ACIN1: variants seen among roughly 807,000 people sequenced by gnomAD.
ACIN1 encodes the protein apoptotic chromatin condensation inducer 1, also known as apoptotic chromatin condensation inducer in the nucleus.
ACIN1 carries 16 observed loss-of-function variants against 146.6 expected under a neutral mutation model. The ratio of observed to expected loss-of-function variants is 0.11; its 90% CI spans 0.07 to 0.17. The LOEUF (loss-of-function observed/expected upper bound fraction) is 0.17. Among genes scored for constraint, ACIN1 ranks in the 10% least tolerant of loss-of-function variants. ACIN1 has a pLI of 1.00. For missense variants in ACIN1, 1,357 were observed against 1,609.3 expected, an observed-to-expected ratio of 0.84 and a Z score of 2.68; for synonymous variants, 569 against 582.7, an observed-to-expected ratio of 0.98 and a Z score of 0.34.
At chr14:23,064,590 G>T in intron 10 of ACIN1, 102 bp from the exon 11 acceptor site, 1 of 1,477,408 alleles carries the variant, frequency 6.8e-7, no homozygotes, top group Non-Finnish European at 9.1e-7. Context: ...TTTGGTAAAA[G>T]GTTAACTTAA....
intron 4 of ACIN1, among the ~76,000 whole-genome samples, chr14:23,082,096 T>A (rs2047957863): frequency 6.6e-6 from 1 of 152,206 alleles, no homozygotes; most frequent in Non-Finnish European, 1.5e-5. Context: ...TATAAATAAC[T>A]CAAATAAATG....
Position 23,059,154 on chromosome 14 carries a change from G to A in ACIN1, c.3846C>T (p.Arg1282=), listed in dbSNP as rs748711526. Residue 1282 remains arginine, a synonymous_variant, in exon 19 of 19, where the codon CGC becomes CGT. Coordinates refer to ENST00000605057, the MANE Select transcript of ACIN1 (RefSeq NM_001386863.1). ...AGCTCTAGTGTTTTCCCAGCTAGCG[G>A]CGCCCACCCCGGTCCCGCACAGGTG... ...RSTPVRDRGG[R]R The A allele has an allele frequency of 1.2e-6, 2 of 1,613,186 alleles. No homozygotes were observed. Among genetic ancestry groups the A allele is most frequent in the Non-Finnish European group, 8.5e-7 (1 of 1,179,454 alleles).
chr14:23,069,169 G>A, intron 9 of ACIN1: 2 of 1,066,976 alleles, frequency 1.9e-6, no homozygotes. Context: ...TGGGAAGACA[G>A]CAGGAAAAGC....
At position 23,079,574 on chromosome 14, in the gene ACIN1, A is replaced by T. The variant is rs78164858; in HGVS notation, c.1761T>A (p.Ser587=). The change falls in exon 6 of 19, where the codon TCT becomes TCA. Residue 587 remains serine (S), a synonymous_variant. Transcript: ENST00000605057. ...TTCTGCTGTTGCTTGATGCTGAACG[A>T]GAACGTGAACGTGACCTTGATCTGG... ...SESRSRSRSR[S]RSASSNSRKS... The T allele has an allele frequency of 1.0e-4, 163 of 1,555,878 alleles. No individual in the cohort carries two copies. Among genetic ancestry groups the T allele is most frequent in the East Asian group, 1.6e-4 (7 of 44,818 alleles).
intron 4 of ACIN1, among the ~76,000 whole-genome samples, chr14:23,089,065 C>T (rs1454343779): frequency 6.6e-6 from 1 of 152,128 alleles, no homozygotes; most frequent in African/African-American, 2.4e-5. Flanking sequence ...TTTTGAGACA[C>T]AGTCTCGCTC....
chr14:23,063,185 A>G, intron 13 of ACIN1, 111 bp from the exon 14 acceptor site: 1 of 1,275,360 alleles, frequency 7.8e-7, no homozygotes, highest in Non-Finnish European at 1.1e-6. Context: ...GCCACTCCTT[A>G]ATCTAAACGT....
chr14:23,091,607 C>T (rs1223710543), intron 2 of ACIN1, among the ~76,000 whole-genome samples: 3 of 149,568 alleles, frequency 2.0e-5, no homozygotes, highest in Non-Finnish European at 4.4e-5. Context: ...AAAGATCAAC[C>T]GTTACCTATC....
rs2047906773 is a variant in ACIN1, at chr14:23,080,203, C to T, written c.1132G>A (p.Glu378Lys). ...GGGCCTTCCATGGGCTCTATTTCTT[C>T]TTCGCTATGGAGCTGTGGATGAGGT... ...PPPHPQLHSE[E>K]EIEPMEGPAP... Residue 378 changes from glutamate to lysine, a missense_variant, in exon 6 of 19, where the codon GAA (glutamate) becomes AAA (lysine). Physicochemically the swap from Glu to Lys is moderately conservative, Grantham distance 56. Transcript: ENST00000605057. 1.2e-6 allele frequency: 2 copies of T among 1,614,044 alleles called. No individual in the cohort carries two copies. The highest frequency in any genetic ancestry group is 1.6e-4 in the Middle Eastern group (1 of 6,084).
Position 23,078,828 on chromosome 14 carries a change from G to A in ACIN1, c.1999C>T (p.Pro667Ser). ...AEKHVTQRLQ[P>S]ERGSPKKCEA... The stretch of plus-strand genomic sequence containing the variant: ...GGGTCACAATAGCCTACCCGCTCAG[G>A]CTGTAACCTCTGGGTCACATGCTTT... Residue 667 changes from proline (P) to serine (S), a missense_variant, in exon 7 of 19, where the codon CCT (proline) becomes TCT (serine). Transcript: ENST00000605057. 6.2e-7 allele frequency: 1 copy of A among 1,612,438 alleles called. No individual in the cohort carries two copies. Among genetic ancestry groups the A allele is most frequent in the Non-Finnish European group, 8.5e-7 (1 of 1,179,944 alleles).
At chr14:23,086,302 G>A (rs2048089300) in intron 4 of ACIN1, among the ~76,000 whole-genome samples, 1 of 152,212 alleles carries the variant, frequency 6.6e-6, no homozygotes, top group South Asian at 2.1e-4. Flanking sequence ...CTTTGTTAAA[G>A]AATCAATATT....
intron 16 of ACIN1, among the ~76,000 whole-genome samples, 186 bp from the exon 17 acceptor site, chr14:23,061,808 C>T (rs1298794288): frequency 1.3e-5 from 2 of 151,882 alleles, no homozygotes; most frequent in African/African-American, 4.8e-5. Context: ...CCCGTCTCTA[C>T]TGAAAATACA....
intron 7 of ACIN1, 25 bp from the exon 8 acceptor site, chr14:23,078,291 C>T: frequency 6.9e-6 from 11 of 1,603,032 alleles, no homozygotes; most frequent in Non-Finnish European, 9.4e-6. Flanking sequence ...CAAAAACGAA[C>T]AGAGCAAAAC....
At position 23,068,659 on chromosome 14, in the gene ACIN1, C is replaced by T. The variant is rs2047531598; in HGVS notation, c.2265+817G>A. On this transcript the variant is annotated intron_variant, in intron 9 of 18. Transcript: ENST00000605057. This position sits in a 1 kb window ranked among gnomAD's most constrained non-coding sequence, Gnocchi z 4.3. ...GGGTTATATTTTACGGGCGGATTAC[C>T]GTACATGAGGTACTTGGACAAAGTT... 7.1e-6 allele frequency: 7 copies of T among 985,824 alleles called. No homozygotes were observed. Among genetic ancestry groups the T allele is most frequent in the South Asian group, 9.4e-5 (2 of 21,286 alleles). 61.1% of individuals were successfully genotyped at this position (985,824 alleles called of 1,614,324 possible). A position where few individuals can be genotyped will look rare whatever the true frequency, so the allele number is the denominator to read the frequency against.
In ACIN1 at chr14:23,094,693, A is replaced by C. The variant is rs1428254762; in HGVS notation, c.138+282T>G. The C allele has an allele frequency of 2.2e-5, 15 of 670,814 alleles. 1 individual carries two copies. In the South Asian group the frequency reaches 3.8e-4, roughly 17 times the overall value. The allele number at this position is 670,814 out of a possible 1,614,324, so 41.6% of individuals were successfully genotyped here. On this transcript the variant is annotated intron_variant, in intron 1 of 18. Transcript: ENST00000605057. ...CGCATGCGCCGAAACCACAGATACAAACAAGGAGGGGGTGGGGGAAGGAGG... is the reference window on the plus strand; with the variant it reads ...CGCATGCGCCGAAACCACAGATACACACAAGGAGGGGGTGGGGGAAGGAGG...
rs115060396 is a variant in ACIN1 at position 23,085,461 on chromosome 14, T to G, written c.437-3625A>C. ...TGTGAATTATATGCTATTTATTGAA[T>G]TATAATGTTATTTTTGATACTGTAA... On this transcript the variant is annotated intron_variant, in intron 4 of 18. Transcript: ENST00000605057. Among the ~76,000 whole-genome samples the G allele has an allele frequency of 3.5e-3, 529 of 152,314 alleles. 4 individuals are homozygous for G. Among genetic ancestry groups the G allele is most frequent in the African/African-American group, 0.012 (479 of 41,558 alleles).
intron 10 of ACIN1, 40 bp from the exon 11 acceptor site, chr14:23,064,528 G>T (rs758856688): frequency 6.2e-7 from 1 of 1,609,210 alleles, no homozygotes; most frequent in Non-Finnish European, 8.5e-7. Context: ...GATGGTCTCA[G>T]GACCTCTGCT....
chr14:23,064,896 CAAA>C lies in ACIN1; in HGVS notation c.2309-411_2309-409del, dbSNP rs55914303. ...CTGGTGACAGAGCAAGACTCCGTCT[CAAA>C]AAAAAAAAAAGAAAAGAAATCATAT... On this transcript the variant is annotated intron_variant, in intron 10 of 18. Transcript: ENST00000605057. Among the ~76,000 whole-genome samples the C allele has an allele frequency of 1.3e-3, 153 of 116,512 alleles. 1 individual carries two copies. Among genetic ancestry groups the C allele is most frequent in the Non-Finnish European group, 2.2e-3 (131 of 58,558 alleles). The allele number at this position is 116,512 out of a possible 152,430, so 76.4% of individuals were successfully genotyped here.
At chr14:23,059,584 G>A (rs2047201578) in intron 18 of ACIN1, 110 bp from the exon 19 acceptor site, 1 of 802,660 alleles carries the variant, frequency 1.2e-6, no homozygotes, top group Non-Finnish European at 2.1e-6. Flanking sequence ...AGTTAAACAG[G>A]AAGGGGTTGG....
chr14:23,081,057 CTT>C (rs57582315), intron 5 of ACIN1, among the ~76,000 whole-genome samples: 19 of 144,026 alleles, frequency 1.3e-4, no homozygotes, highest in African/African-American at 3.8e-4. Flanking sequence ...CAAGCACCCC[CTT>C]TTTTTTTTTT....
Sources: gnomAD v4.1 joint callset for allele counts (sites outside exome capture counted in the v4.1 genomes callset) on GRCh38, gnomAD v4.1.1 for gene constraint, Gnocchi (gnomAD v3.1) non-coding constraint, MANE v1.5 for transcripts, NCBI Gene and HGNC (gene_info 2026-07-23, HGNC 2026-07-21) for gene names.